Variants in GPC6 observed in about 807,000 individuals in gnomAD.
GPC6 encodes glypican 6.
A neutral mutation model predicts 55.2 loss-of-function variants in GPC6; 14 were observed. The ratio of observed to expected loss-of-function variants is 0.25; its 90% CI spans 0.17 to 0.40. The LOEUF is 0.40. Ranked by LOEUF, GPC6 falls within the 10% of genes least tolerant of loss-of-function variation. The pLI, the probability that GPC6 is intolerant of heterozygous loss-of-function variation, is 1.00. For missense variants in GPC6, 641 were observed against 708.5 expected, an observed-to-expected ratio of 0.90 and a Z score of 1.08; for synonymous variants, 278 against 259.6, an observed-to-expected ratio of 1.07 and a Z score of -0.68.
chr13:93,310,063 A>G (rs1200618415), intron 1 of GPC6, among the ~76,000 whole-genome samples: 1 of 152,230 alleles, frequency 6.6e-6, no homozygotes, highest in African/African-American at 2.4e-5. Flanking sequence ...ACTGGTTACT[A>G]TGGTAACAGA....
At chr13:94,399,665 C>T (rs1046844532) in intron 8 of GPC6, among the ~76,000 whole-genome samples, 2 of 152,124 alleles carry the variant, frequency 1.3e-5, no homozygotes, top group East Asian at 3.9e-4. Flanking sequence ...ATCAGCCTAC[C>T]AAGTTATCCC....
Position 93,666,344 on chromosome 13 carries a change from TA to T in GPC6, c.319+120934del, listed in dbSNP as rs1035319043. ...TAAATTTGATTTTCAATTTATACTT[TA>T]AAAAAAAAAAGGTCAAATGAATTCC... On this transcript the variant is annotated intron_variant, in intron 2 of 8. Transcript: ENST00000377047. Among the ~76,000 whole-genome samples the T allele has an allele frequency of 6.0e-3, 873 of 146,242 alleles. 6 individuals are homozygous for T. The highest frequency in any genetic ancestry group is 0.018 in the African/African-American group (709 of 40,188).
At chr13:94,369,537 G>A (rs542909147) in intron 6 of GPC6, among the ~76,000 whole-genome samples, 1 of 152,296 alleles carries the variant, frequency 6.6e-6, no homozygotes, top group South Asian at 2.1e-4. Flanking sequence ...GGAAGGTGTT[G>A]GAATGTGTTT....
At position 93,633,777 on chromosome 13, in the gene GPC6, G is replaced by A. The variant is rs1454635053; in HGVS notation, c.319+88356G>A. ...GTGAAAGAATAGAAAGTCGGATTAT[G>A]ATTTCCATTCCTTTGAGGATTTTAA... On this transcript the variant is annotated intron_variant, in intron 2 of 8. Transcript: ENST00000377047. Among the ~76,000 whole-genome samples, 5 of 152,114 alleles carry A rather than the reference G, an allele frequency of 3.3e-5. No individual in the cohort carries two copies. The East Asian group carries it at 9.6e-4, about 29-fold the overall frequency.
chr13:93,702,095 T>C (rs548280399), intron 2 of GPC6, among the ~76,000 whole-genome samples: 4 of 152,174 alleles, frequency 2.6e-5, no homozygotes, highest in African/African-American at 9.6e-5. Flanking sequence ...TCACTATCAA[T>C]GGCAGTTATA....
intron 4 of GPC6, among the ~76,000 whole-genome samples, chr13:94,130,358 C>G (rs908930174): frequency 6.6e-6 from 1 of 151,988 alleles, no homozygotes; most frequent in African/African-American, 2.4e-5. Context: ...ATTTTATACT[C>G]TTAAGTCTCT....
intron 2 of GPC6, among the ~76,000 whole-genome samples, chr13:93,695,005 A>G (rs551932444): frequency 1.3e-5 from 2 of 152,280 alleles, no homozygotes; most frequent in Admixed American, 1.3e-4. Flanking sequence ...ATGGAATCTC[A>G]TAACATTAAA....
At chr13:93,224,569 G>T (rs1031399246), upstream of GPC6, among the ~76,000 whole-genome samples, 3 of 152,106 alleles carry the variant, frequency 2.0e-5, no homozygotes, top group Non-Finnish European at 2.9e-5. Flanking sequence ...CTACAGCTAG[G>T]ATTCCAGCCA....
At chr13:93,345,068 CCACTGATACTGAATG>C (rs1161524295) in intron 1 of GPC6, among the ~76,000 whole-genome samples, 2 of 152,050 alleles carry the variant, frequency 1.3e-5, no homozygotes, top group African/African-American at 4.8e-5. Context: ...AAAAATGCAT[CCACTGATACTGAATG>C]CTCAAGATGA....
intron 1 of GPC6, among the ~76,000 whole-genome samples, chr13:93,257,014 T>C (rs892125977): frequency 6.6e-6 from 1 of 152,074 alleles, no homozygotes; most frequent in Non-Finnish European, 1.5e-5. Context: ...AAAAAAAGCA[T>C]TGTTAATGGG....
intron 4 of GPC6, among the ~76,000 whole-genome samples, chr13:94,208,753 C>CAAAAAAAAAA (rs762261930): frequency 2.8e-5 from 1 of 36,228 alleles, no homozygotes; most frequent in African/African-American, 1.1e-4. Flanking sequence ...TCCCATCTCC[C>CAAAAAAAAAA]AAAAAAAAAA....
chr13:93,819,695 G>C (rs888638990), intron 2 of GPC6, among the ~76,000 whole-genome samples: 3 of 152,120 alleles, frequency 2.0e-5, no homozygotes, highest in African/African-American at 7.2e-5. Context: ...GCAGTCCATA[G>C]GCTCAAAGCA....
chr13:93,269,669 T>A (rs1291527075), intron 1 of GPC6, among the ~76,000 whole-genome samples: 1 of 151,150 alleles, frequency 6.6e-6, no homozygotes, highest in Non-Finnish European at 1.5e-5. Flanking sequence ...CTCACGCCTG[T>A]AATCCCAGCA....
intron 1 of GPC6, among the ~76,000 whole-genome samples, chr13:93,531,029 G>A (rs532341295): frequency 6.6e-6 from 1 of 152,018 alleles, no homozygotes; most frequent in Non-Finnish European, 1.5e-5. Flanking sequence ...TGACACTGAC[G>A]GATACTGAAA....
intron 2 of GPC6, among the ~76,000 whole-genome samples, chr13:93,648,230 C>G (rs181772490): frequency 1.1e-3 from 165 of 152,172 alleles, no homozygotes; most frequent in African/African-American, 3.9e-3. Context: ...CAATCTACAG[C>G]CCCATCTGCT....
intron 2 of GPC6, among the ~76,000 whole-genome samples, chr13:93,731,288 A>G (rs1366054076): frequency 6.6e-6 from 1 of 152,190 alleles, no homozygotes; most frequent in Non-Finnish European, 1.5e-5. Flanking sequence ...TAGCCACACT[A>G]CATCACAAAA....
intron 1 of GPC6, among the ~76,000 whole-genome samples, chr13:93,269,645 G>A (rs1877441353): frequency 6.6e-6 from 1 of 151,882 alleles, no homozygotes; most frequent in Non-Finnish European, 1.5e-5. Flanking sequence ...TTTGTGGTAG[G>A]CCGGACACGG....
In GPC6 at chr13:93,227,363, C is replaced by A; in HGVS notation, c.-94C>A. ...GGTGACGCTGGGCAGCGGCGAGGAG[C>A]GCGCCGCTGCCTCTGGCGGGCTTTC... is the stretch of plus-strand genomic sequence containing the variant. On this transcript the variant is annotated 5_prime_UTR_variant, in exon 1 of 9. Coordinates refer to ENST00000377047, the MANE Select transcript of GPC6 (RefSeq NM_005708.5). The surrounding 1 kb of genome is among the most constrained non-coding windows in gnomAD (Gnocchi z 4.3). 1 of 1,289,316 alleles carries A rather than the reference C, an allele frequency of 7.8e-7. No individual in the cohort carries two copies. Among genetic ancestry groups the A allele is most frequent in the South Asian group, 1.3e-5 (1 of 76,990 alleles). 79.9% of individuals were successfully genotyped at this position (1,289,316 alleles called of 1,614,324 possible).
At chr13:93,809,020 A>T (rs1886620655) in intron 2 of GPC6, among the ~76,000 whole-genome samples, 1 of 152,226 alleles carries the variant, frequency 6.6e-6, no homozygotes, top group Admixed American at 6.5e-5. Flanking sequence ...TATAGGAGAA[A>T]GAATAGGAGA....
Sources: allele counts gnomAD v4.1 joint callset (sites outside exome capture counted in the v4.1 genomes callset), GRCh38; gene constraint gnomAD v4.1.1; non-coding constraint Gnocchi (gnomAD v3.1); transcripts MANE v1.5; gene names NCBI Gene and HGNC (gene_info 2026-07-23, HGNC 2026-07-21).